The following PCDH11X variants were observed in gnomAD, a reference collection of about 807,000 sequenced individuals.
PCDH11X encodes the protein protocadherin-11 X-linked.
A neutral mutation model predicts 53.3 loss-of-function variants in PCDH11X; 18 were observed. That is an observed-to-expected ratio of 0.34 (90% CI 0.23 to 0.50). PCDH11X has a LOEUF of 0.50. Ranked by LOEUF, PCDH11X falls within the 20% of genes least tolerant of loss-of-function variation. The probability of loss-of-function intolerance (pLI) is 0.98; values close to 1 mark genes in which losing one functional copy is unlikely to be tolerated. For synonymous variants in PCDH11X, 279 were observed against 393.3 expected, an observed-to-expected ratio of 0.71 and a Z score of 3.44; for missense variants, 570 against 1,032.4, an observed-to-expected ratio of 0.55 and a Z score of 6.14.
chrX:92,616,222 T>A (rs2148820523), intron 10 of PCDH11X, among the ~76,000 whole-genome samples: 1 of 34,646 alleles, frequency 2.9e-5, no homozygotes, highest in Admixed American at 4.1e-4. Context: ...TTTTGCAAAG[T>A]AAATATTTTT....
rs180782135 is a variant in PCDH11X, at chrX:92,432,032, A to T, written c.3344-36267A>T. 4.4e-3 allele frequency among the ~76,000 whole-genome samples: 489 copies of T among 110,062 alleles called. 8 individuals carry two copies. In the East Asian group the frequency reaches 0.048, roughly 11 times the overall value. On this transcript the variant is annotated intron_variant, in intron 9 of 10. Coordinates refer to ENST00000682573, the MANE Select transcript of PCDH11X (RefSeq NM_032968.5). Reference sequence around the variant, plus strand: ...AACGCACCACCCAAGAAATATGAATAAAAGGATTCCTCAAACAGTAATAAT... The same window carrying T: ...AACGCACCACCCAAGAAATATGAATTAAAGGATTCCTCAAACAGTAATAAT...
At chrX:92,087,284 G>T (rs1011760679) in intron 6 of PCDH11X, among the ~76,000 whole-genome samples, 5 of 106,783 alleles carry the variant, frequency 4.7e-5, no homozygotes, top group Middle Eastern at 4.8e-3. Context: ...TAGTAGTGGC[G>T]GGGTTTCTGC....
At chrX:92,447,224 A>T (rs2072673310) in intron 9 of PCDH11X, among the ~76,000 whole-genome samples, 1 of 112,053 alleles carries the variant, frequency 8.9e-6, no homozygotes, top group South Asian at 3.7e-4. Context: ...AATTGTAGAA[A>T]TTTGCATAAC....
chrX:92,334,536 T>G (rs2069569838), intron 8 of PCDH11X, among the ~76,000 whole-genome samples: 1 of 111,553 alleles, frequency 9.0e-6, no homozygotes, highest in Admixed American at 9.6e-5. Flanking sequence ...TCATGTTTAG[T>G]GCAATACCAT....
chrX:92,389,651 G>T (rs35906419), intron 9 of PCDH11X, among the ~76,000 whole-genome samples: 2,991 of 110,801 alleles, frequency 0.027, 43 homozygotes, highest in South Asian at 0.061. Context: ...AGGAGAATTG[G>T]TATGTGTCAG....
chrX:92,426,808 C>A (rs2148620987), intron 9 of PCDH11X, among the ~76,000 whole-genome samples: 1 of 110,466 alleles, frequency 9.1e-6, no homozygotes, highest in East Asian at 2.9e-4. Flanking sequence ...TCGAAAGGGA[C>A]CTTGGAGTTG....
chrX:92,581,558 T>G (rs1307999853), intron 10 of PCDH11X, among the ~76,000 whole-genome samples: 1 of 111,983 alleles, frequency 8.9e-6, no homozygotes, highest in African/African-American at 3.2e-5. Flanking sequence ...CCACGTGAAC[T>G]GTGAGTCCAT....
intron 6 of PCDH11X, among the ~76,000 whole-genome samples, chrX:92,091,876 T>C (rs750949897): frequency 9.0e-6 from 1 of 111,311 alleles, no homozygotes; most frequent in Admixed American, 9.6e-5. Flanking sequence ...TGGCTCTTAG[T>C]TGATTATCTC....
At chrX:92,073,387 G>A (rs1465112729) in intron 6 of PCDH11X, among the ~76,000 whole-genome samples, 1 of 112,370 alleles carries the variant, frequency 8.9e-6, no homozygotes, top group Non-Finnish European at 1.9e-5. Flanking sequence ...CTTTACAACT[G>A]TGGCAATATT....
At chrX:91,789,200 C>CAAA (rs764959497) in intron 1 of PCDH11X, among the ~76,000 whole-genome samples, 27 of 47,169 alleles carry the variant, frequency 5.7e-4, no homozygotes, top group Admixed American at 1.4e-3. Context: ...GACTCCGTCT[C>CAAA]AAAAAAAAAA....
At chrX:91,940,333 G>A (rs1179068697) in intron 6 of PCDH11X, among the ~76,000 whole-genome samples, 1 of 110,908 alleles carries the variant, frequency 9.0e-6, no homozygotes, top group African/African-American at 3.3e-5. Flanking sequence ...TTATAGTAAC[G>A]CAAGAACAGC....
At chrX:91,975,129 C>T (rs2062028924) in intron 6 of PCDH11X, among the ~76,000 whole-genome samples, 1 of 110,863 alleles carries the variant, frequency 9.0e-6, no homozygotes, top group African/African-American at 3.3e-5. Context: ...AAGCAGAGAC[C>T]TACTGTAGTA....
chrX:92,340,738 G>A (rs751529599), intron 8 of PCDH11X, among the ~76,000 whole-genome samples: 9 of 112,215 alleles, frequency 8.0e-5, no homozygotes, highest in African/African-American at 2.9e-4. Context: ...CCTGTGATGG[G>A]AGAGGCTACC....
At chrX:92,122,867 G>T (rs2064796144) in intron 6 of PCDH11X, among the ~76,000 whole-genome samples, 1 of 111,043 alleles carries the variant, frequency 9.0e-6, no homozygotes, top group South Asian at 3.8e-4. Flanking sequence ...AACCTGGGAG[G>T]TGGAGGTTCC....
chrX:92,082,759 T>G (rs765969403), intron 6 of PCDH11X, among the ~76,000 whole-genome samples: 1,521 of 111,920 alleles, frequency 0.014, 23 homozygotes, highest in African/African-American at 0.047. Context: ...ATTAACATGA[T>G]GGCATGTACT....
rs772905510 is a variant in PCDH11X at position 92,003,454 on chromosome X, G to A, written c.3033+124181G>A. Among the ~76,000 whole-genome samples the A allele has an allele frequency of 5.5e-3, 597 of 109,541 alleles. 4 individuals are homozygous for A. The highest frequency in any genetic ancestry group is 0.019 in the African/African-American group (571 of 30,151). ...TATTGAAATAGTTTGAATAGGATTG[G>A]CATTAATCACTTAAATGTTTGGTTG... is the stretch of plus-strand genomic sequence containing the variant. On this transcript the variant is annotated intron_variant, in intron 6 of 10. Coordinates refer to ENST00000682573, the MANE Select transcript of PCDH11X (RefSeq NM_032968.5).
intron 10 of PCDH11X, among the ~76,000 whole-genome samples, chrX:92,487,429 C>T (rs763099879): frequency 1.8e-5 from 2 of 111,160 alleles, no homozygotes; most frequent in Admixed American, 1.9e-4. Context: ...ACTTTACAAA[C>T]TTAATACTGT....
At chrX:91,824,187 C>A (rs749400983) in intron 4 of PCDH11X, among the ~76,000 whole-genome samples, 1 of 110,647 alleles carries the variant, frequency 9.0e-6, no homozygotes, top group Admixed American at 9.7e-5. Flanking sequence ...ATCTTTGTGG[C>A]GTTCTCTGTA....
chrX:92,445,118 G>GT (rs1419805050), intron 9 of PCDH11X, among the ~76,000 whole-genome samples: 1 of 97,352 alleles, frequency 1.0e-5, no homozygotes, highest in East Asian at 3.6e-4. Flanking sequence ...TTTTGGAATA[G>GT]TTTCAGTAGA....
Sources: gnomAD v4.1 joint callset for allele counts (sites outside exome capture counted in the v4.1 genomes callset) on GRCh38, gnomAD v4.1.1 for gene constraint, MANE v1.5 for transcripts, NCBI Gene and HGNC (gene_info 2026-07-23, HGNC 2026-07-21) for gene names.